Variants in NECTIN1 observed in about 807,000 individuals in gnomAD.
NECTIN1 encodes nectin-1.
NECTIN1 carries 23 observed loss-of-function variants against 48.0 expected under a neutral mutation model. The observed-to-expected ratio is 0.48, with a 90% CI of 0.34 to 0.68. NECTIN1 has a LOEUF of 0.68. Ranked by LOEUF, NECTIN1 falls within the 30% of genes least tolerant of loss-of-function variation. NECTIN1 has a pLI of 0.01. For synonymous variants in NECTIN1, 270 were observed against 288.9 expected, an observed-to-expected ratio of 0.93 and a Z score of 0.66; for missense variants, 591 against 709.9, an observed-to-expected ratio of 0.83 and a Z score of 1.90.
At chr11:119,644,243 T>C (rs4619159) in intron 5 of NECTIN1, among the ~76,000 whole-genome samples, 149,775 of 152,304 alleles carry the variant, frequency 0.98, 73,680 homozygotes, top group East Asian at 1. Context: ...TAAACACAGA[T>C]GGGTTCATTC....
chr11:119,697,790 C>T (rs1288452639), intron 1 of NECTIN1, among the ~76,000 whole-genome samples: 1 of 152,254 alleles, frequency 6.6e-6, no homozygotes, highest in African/African-American at 2.4e-5. Context: ...GTCTCCTCAA[C>T]TGGAACCCTC....
At position 119,673,353 on chromosome 11, in the gene NECTIN1, G is replaced by C. The variant is rs893274510; in HGVS notation, c.1003+1806C>G. Reference sequence around the variant, plus strand: ...TGAGTGCCATGCGTCCCTGGCTCCTGCCTAACGGGGCTGCCAGCAAGAGCC... The same window carrying C: ...TGAGTGCCATGCGTCCCTGGCTCCTCCCTAACGGGGCTGCCAGCAAGAGCC... On this transcript the variant is annotated intron_variant, in intron 5 of 5. Coordinates refer to ENST00000264025, the MANE Select transcript of NECTIN1 (RefSeq NM_002855.5). This position sits in a 1 kb window ranked among gnomAD's most constrained non-coding sequence, Gnocchi z 5.8. Among the ~76,000 whole-genome samples the C allele has an allele frequency of 1.3e-4, 20 of 152,180 alleles. No homozygotes were observed. Among genetic ancestry groups the C allele is most frequent in the African/African-American group, 4.6e-4 (19 of 41,440 alleles).
chr11:119,651,285 AT>A (rs765066301), intron 5 of NECTIN1, among the ~76,000 whole-genome samples: 2 of 152,168 alleles, frequency 1.3e-5, no homozygotes, highest in Non-Finnish European at 2.9e-5. Flanking sequence ...GGGGGCTCCA[AT>A]TCCCATTGGG....
intron 1 of NECTIN1, among the ~76,000 whole-genome samples, chr11:119,703,312 T>C (rs1358294608): frequency 2.0e-5 from 3 of 152,202 alleles, no homozygotes; most frequent in Non-Finnish European, 4.4e-5. Flanking sequence ...GAGGCCCAAG[T>C]AGTCAGGAAG....
At chr11:119,726,022 G>C (rs984927470) in intron 1 of NECTIN1, among the ~76,000 whole-genome samples, 1 of 152,210 alleles carries the variant, frequency 6.6e-6, no homozygotes, top group Non-Finnish European at 1.5e-5. Flanking sequence ...ACACTGCTTA[G>C]TAAAGTCTGT....
At chr11:119,674,625 CG>C (rs1565386376) in intron 5 of NECTIN1, 1 of 1,614,156 alleles carries the variant, frequency 6.2e-7, no homozygotes, top group South Asian at 1.1e-5. Flanking sequence ...TCCCTTTGCC[CG>C]GATAGATAAG....
intron 5 of NECTIN1, among the ~76,000 whole-genome samples, chr11:119,648,282 G>GAT: frequency 3.7e-5 from 2 of 53,930 alleles, no homozygotes; most frequent in Non-Finnish European, 7.2e-5. Context: ...TGGTGATGGT[G>GAT]GTGGTGATGG....
In NECTIN1 at chr11:119,673,301, C is replaced by CA. The variant is rs112173524; in HGVS notation, c.1003+1857dup. 1.3e-5 allele frequency among the ~76,000 whole-genome samples: 2 copies of CA among 152,302 alleles called. No individual in the cohort carries two copies. Among genetic ancestry groups the CA allele is most frequent in the African/African-American group, 4.8e-5 (2 of 41,568 alleles). ...TCCCTTCCGAGAGAGGCCAGCCGCTCAGCGCCTGGGCCTATCAATGATTCA... is the reference window on the plus strand; with the variant it reads ...TCCCTTCCGAGAGAGGCCAGCCGCTCAAGCGCCTGGGCCTATCAATGATTCA... On this transcript the variant is annotated intron_variant, in intron 5 of 5. Transcript: ENST00000264025. The surrounding 1 kb of genome is among the most constrained non-coding windows in gnomAD (Gnocchi z 5.8).
At chr11:119,685,508 C>G (rs1326929496) in intron 1 of NECTIN1, among the ~76,000 whole-genome samples, 1 of 152,230 alleles carries the variant, frequency 6.6e-6, no homozygotes, top group Non-Finnish European at 1.5e-5. Flanking sequence ...GCAAGTCCCA[C>G]CTCCCTCCAG....
chr11:119,721,505 T>C (rs1041131398), intron 1 of NECTIN1, among the ~76,000 whole-genome samples: 1 of 152,220 alleles, frequency 6.6e-6, no homozygotes, highest in Admixed American at 6.5e-5. Context: ...GGAACTAATG[T>C]CCTCTAATGA....
rs1865001936 is a variant in NECTIN1 at position 119,678,518 on chromosome 11, G to A, written c.327C>T (p.Ile109=). 1 of 1,614,124 alleles carries A rather than the reference G, an allele frequency of 6.2e-7. No homozygotes were observed. The highest frequency in any genetic ancestry group is 1.3e-5 in the African/African-American group (1 of 74,942). Residue 109 remains isoleucine, a synonymous_variant, in exon 2 of 6, where the codon ATC becomes ATT. Coordinates refer to ENST00000264025, the MANE Select transcript of NECTIN1 (RefSeq NM_002855.5). The surrounding 1 kb of genome is among the most constrained non-coding windows in gnomAD (Gnocchi z 4.4). ...FLRPSFTDGT[I]RLSRLELEDE... ...CCTCCAGCTCCAGGCGGGAGAGGCGGATAGTGCCATCGGTGAAGGAGGGCC... is the reference window on the plus strand; with the variant it reads ...CCTCCAGCTCCAGGCGGGAGAGGCGAATAGTGCCATCGGTGAAGGAGGGCC...
intron 1 of NECTIN1, among the ~76,000 whole-genome samples, chr11:119,719,797 G>C (rs1242636632): frequency 3.9e-5 from 6 of 152,214 alleles, no homozygotes; most frequent in Non-Finnish European, 8.8e-5. Flanking sequence ...TGGATAGCAG[G>C]ATGGAGAGTA....
chr11:119,648,307 ATGGTGGTGATGGTGATGGTGG>A lies in NECTIN1; in HGVS notation c.1004-8316_1004-8296del, dbSNP rs1864434352. Reference sequence around the variant, plus strand: ...GGTGGTGATGGTGGTGGTGGTGGTGATGGTGGTGATGGTGATGGTGGTGATGGTGGTGGTGATGCTGGTGGT... The same window carrying A: ...GGTGGTGATGGTGGTGGTGGTGGTGATGATGGTGGTGGTGATGCTGGTGGT... On this transcript the variant is annotated intron_variant, in intron 5 of 7. Coordinates refer to the NECTIN1 transcript ENST00000341398. 3.8e-3 allele frequency among the ~76,000 whole-genome samples: 40 copies of A among 10,428 alleles called. 4 individuals carry two copies. The highest frequency in any genetic ancestry group is 0.018 in the East Asian group (4 of 220). The allele number at this position is 10,428 out of a possible 152,430, so 6.8% of individuals were successfully genotyped here. A position where few individuals can be genotyped will look rare whatever the true frequency, so the allele number is the denominator to read the frequency against.
downstream of NECTIN1, chr11:119,660,964 A>G: frequency 1.1e-6 from 1 of 949,934 alleles, no homozygotes; most frequent in Non-Finnish European, 1.3e-6. Context: ...ACTGCCATGG[A>G]GCAGGGCAGT....
At chr11:119,676,838 G>T in intron 4 of NECTIN1, 1 of 528,188 alleles carries the variant, frequency 1.9e-6, no homozygotes, top group Non-Finnish European at 3.4e-6. Context: ...CTCTTTATTA[G>T]GAAGAGGGAG....
chr11:119,657,282 C>A (rs761187080), downstream of NECTIN1, among the ~76,000 whole-genome samples: 2 of 152,112 alleles, frequency 1.3e-5, no homozygotes, highest in Non-Finnish European at 2.9e-5. Flanking sequence ...TTCCTCCACG[C>A]TGGCTGTCTA....
Position 119,684,760 on chromosome 11 carries a change from G to T in NECTIN1, c.80-5995C>A, listed in dbSNP as rs1204259944. Among the ~76,000 whole-genome samples, 1 of 152,318 alleles carries T rather than the reference G, an allele frequency of 6.6e-6. No homozygotes were observed. Among genetic ancestry groups the T allele is most frequent in the South Asian group, 2.1e-4 (1 of 4,828 alleles). On this transcript the variant is annotated intron_variant, in intron 1 of 5. Coordinates refer to ENST00000264025, the MANE Select transcript of NECTIN1 (RefSeq NM_002855.5). This position sits in a 1 kb window ranked among gnomAD's most constrained non-coding sequence, Gnocchi z 5.2. ...CTGGGAGAGAGGCCGGTGTGGAGGA[G>T]CGTGCAATCAGGACACCCACTTCCT...
At position 119,665,942 on chromosome 11, in the gene NECTIN1, G is replaced by C. The variant is rs1211446098; in HGVS notation, c.1004-645C>G. On this transcript the variant is annotated intron_variant, in intron 5 of 5. Coordinates refer to ENST00000264025, the MANE Select transcript of NECTIN1 (RefSeq NM_002855.5). The surrounding 1 kb of genome is among the most constrained non-coding windows in gnomAD (Gnocchi z 5.1). ...TGCCTGCAGGGCACAGGGAAAACAGGTTCCCAGGCACTGGCTCAGGAGATG... is the reference window on the plus strand; with the variant it reads ...TGCCTGCAGGGCACAGGGAAAACAGCTTCCCAGGCACTGGCTCAGGAGATG... 1.3e-5 allele frequency among the ~76,000 whole-genome samples: 2 copies of C among 152,200 alleles called. No homozygotes were observed. Among genetic ancestry groups the C allele is most frequent in the Non-Finnish European group, 1.5e-5 (1 of 68,038 alleles).
intron 1 of NECTIN1, among the ~76,000 whole-genome samples, chr11:119,718,715 C>T (rs114772116): frequency 2.0e-4 from 30 of 152,274 alleles, no homozygotes; most frequent in African/African-American, 6.3e-4. Flanking sequence ...ATCAGTGATG[C>T]CCAAAGACTC....
Sources: gnomAD v4.1 joint callset for allele counts (sites outside exome capture counted in the v4.1 genomes callset) on GRCh38, gnomAD v4.1.1 for gene constraint, Gnocchi (gnomAD v3.1) non-coding constraint, MANE v1.5 for transcripts, NCBI Gene and HGNC (gene_info 2026-07-23, HGNC 2026-07-21) for gene names.